Variants in HIVEP2 observed in about 807,000 individuals in gnomAD.
The protein encoded by HIVEP2 is transcription factor HIVEP2.
In HIVEP2, 14 loss-of-function variants were observed where a neutral mutation model predicts 180.7. That is an observed-to-expected ratio of 0.08 (90% CI 0.05 to 0.12). HIVEP2 has a LOEUF of 0.12. Among genes scored for constraint, HIVEP2 ranks in the 10% least tolerant of loss-of-function variants. The pLI, the probability that HIVEP2 is intolerant of heterozygous loss-of-function variation, is 1.00. For missense variants in HIVEP2, 2,579 were observed against 3,008.5 expected (o/e 0.86, Z 3.34); for synonymous variants, 1,184 against 1,136.4 (o/e 1.04, Z -0.84).
chr6:142,768,946 C>T (rs1775447882), intron 5 of HIVEP2, among the ~76,000 whole-genome samples: 1 of 151,984 alleles, frequency 6.6e-6, no homozygotes, highest in African/African-American at 2.4e-5. Context: ...TTTTTAAATC[C>T]TCTATTTGCC....
intron 1 of HIVEP2, among the ~76,000 whole-genome samples, chr6:142,881,932 C>G (rs1017147258): frequency 1.3e-5 from 2 of 152,194 alleles, no homozygotes; most frequent in Admixed American, 1.3e-4. Flanking sequence ...CACTGCCAAC[C>G]TCTGTCACAG....
chr6:142,762,288 T>C (rs1006194415), intron 7 of HIVEP2, among the ~76,000 whole-genome samples: 1 of 152,122 alleles, frequency 6.6e-6, no homozygotes, highest in African/African-American at 2.4e-5. Flanking sequence ...AAAAGAAAGG[T>C]TTCATGCTGA....
rs1064795825 is a variant in HIVEP2, at chr6:142,772,845, C to T, written c.1894G>A (p.Asp632Asn). 6.2e-7 allele frequency: 1 copy of T among 1,614,190 alleles called. No individual in the cohort carries two copies. Among genetic ancestry groups the T allele is most frequent in the Non-Finnish European group, 8.5e-7 (1 of 1,180,032 alleles). ...SLKEKKLSPGDRVGYDYDVCR... is the reference protein window; with the variant it reads ...SLKEKKLSPGNRVGYDYDVCR... The stretch of plus-strand genomic sequence containing the variant: ...ACATCATAGTCATACCCAACCCTGT[C>T]CCCAGGAGACAATTTCTTTTCCTTC... The change falls in exon 5 of 10, where the codon GAC (aspartate) becomes AAC (asparagine). Residue 632 changes from aspartate (D) to asparagine (N), a missense_variant. This residue lies in a region of HIVEP2 where 524 missense variants were observed against 563.6 expected (regional missense o/e 0.93). Coordinates refer to ENST00000367603, the MANE Select transcript of HIVEP2 (RefSeq NM_006734.4). The surrounding 1 kb of genome is among the most constrained non-coding windows in gnomAD (Gnocchi z 4.9).
intron 1 of HIVEP2, among the ~76,000 whole-genome samples, chr6:142,868,246 G>A (rs187456015): frequency 7.9e-5 from 12 of 152,226 alleles, no homozygotes; most frequent in Admixed American, 3.3e-4. Context: ...TATCAAAAAT[G>A]GCAAGAGGCC....
At chr6:142,926,981 C>A (rs1359676986) in intron 1 of HIVEP2, among the ~76,000 whole-genome samples, 1 of 151,608 alleles carries the variant, frequency 6.6e-6, no homozygotes, top group Non-Finnish European at 1.5e-5. Flanking sequence ...AAAGTTCAAG[C>A]CGCGTCCAGG....
In HIVEP2 at chr6:142,911,680, A is replaced by G. The variant is rs571196881; in HGVS notation, c.-641+33419T>C. On this transcript the variant is annotated intron_variant, in intron 1 of 9. Transcript: ENST00000367603. ...ACTGCTCCCAGGAGAAGGATCATTA[A>G]TTCACTGTCTCAGAAATGAGACAAC... Among the ~76,000 whole-genome samples, 22 of 152,272 alleles carry G rather than the reference A, an allele frequency of 1.4e-4. No individual in the cohort carries two copies. In the South Asian group the frequency reaches 4.3e-3, roughly 30 times the overall value.
chr6:142,915,528 C>A (rs1562290983), intron 1 of HIVEP2, among the ~76,000 whole-genome samples: 2 of 152,178 alleles, frequency 1.3e-5, no homozygotes, highest in African/African-American at 4.8e-5. Flanking sequence ...CAATAGATGT[C>A]TTTTGTTTTC....
chr6:142,931,102 A>T (rs913688873), intron 1 of HIVEP2, among the ~76,000 whole-genome samples: 8 of 152,116 alleles, frequency 5.3e-5, no homozygotes, highest in Admixed American at 1.3e-4. Flanking sequence ...GTGACCATTT[A>T]AATATTCCTT....
At chr6:142,913,583 A>G (rs1336832006) in intron 1 of HIVEP2, among the ~76,000 whole-genome samples, 1 of 152,220 alleles carries the variant, frequency 6.6e-6, no homozygotes, top group Non-Finnish European at 1.5e-5. Context: ...AGAGGTGTCT[A>G]CAGGGCCACC....
chr6:142,756,281 G>T (rs537898516), intron 9 of HIVEP2, among the ~76,000 whole-genome samples: 1 of 152,274 alleles, frequency 6.6e-6, no homozygotes, highest in Admixed American at 6.5e-5. Context: ...GCAGCAGGGA[G>T]CAGAGAAGGA....
intron 2 of HIVEP2, among the ~76,000 whole-genome samples, chr6:142,825,509 A>C (rs187627604): frequency 6.6e-6 from 1 of 152,336 alleles, no homozygotes; most frequent in Non-Finnish European, 1.5e-5. Flanking sequence ...CATGATATTG[A>C]TATTATTCAA....
chr6:142,771,714 C>G lies in HIVEP2; in HGVS notation c.3025G>C (p.Val1009Leu), dbSNP rs766328392. 1.9e-6 allele frequency: 3 copies of G among 1,614,208 alleles called. No homozygotes were observed. Among genetic ancestry groups the G allele is most frequent in the Non-Finnish European group, 2.5e-6 (3 of 1,180,036 alleles). Residue 1009 changes from valine to leucine, a missense_variant, in exon 5 of 10, where the codon GTC (valine) becomes CTC (leucine). This residue lies in a region of HIVEP2 where 523 missense variants were observed against 577.0 expected (regional missense o/e 0.91). Coordinates refer to ENST00000367603, the MANE Select transcript of HIVEP2 (RefSeq NM_006734.4). The surrounding 1 kb of genome is among the most constrained non-coding windows in gnomAD (Gnocchi z 5.4). ...GACAATGAGTATGAACCAGCAGGGA[C>G]AGTCAGAAACTCTGAATGCTTCCCA... The part of the protein sequence containing the change: ...EFGKHSEFLT[V>L]PAGSYSLSVP...
chr6:142,922,485 A>G (rs926598866), intron 1 of HIVEP2, among the ~76,000 whole-genome samples: 2 of 152,346 alleles, frequency 1.3e-5, no homozygotes, highest in African/African-American at 4.8e-5. Context: ...TAAGATCCAG[A>G]GTGGCCTGAA....
chr6:142,914,439 T>C (rs74874285), intron 1 of HIVEP2, among the ~76,000 whole-genome samples: 1,638 of 152,322 alleles, frequency 0.011, 11 homozygotes, highest in Non-Finnish European at 0.016. Flanking sequence ...GTCAAGTATT[T>C]AGAATAGCGG....
chr6:142,832,358 C>T (rs967237798), intron 2 of HIVEP2, among the ~76,000 whole-genome samples: 1 of 151,922 alleles, frequency 6.6e-6, no homozygotes, highest in African/African-American at 2.4e-5. Context: ...AGGCATATGA[C>T]AGGAAAACTT....
chr6:142,915,308 G>A (rs1230891740), intron 1 of HIVEP2, among the ~76,000 whole-genome samples: 1 of 152,086 alleles, frequency 6.6e-6, no homozygotes, highest in Non-Finnish European at 1.5e-5. Flanking sequence ...TAGTAGGGTG[G>A]GCCCCTTATC....
At chr6:142,912,796 G>C (rs1303564511) in intron 1 of HIVEP2, among the ~76,000 whole-genome samples, 2 of 152,222 alleles carry the variant, frequency 1.3e-5, no homozygotes, top group Non-Finnish European at 2.9e-5. Context: ...CCACACCATG[G>C]AAAAATTCTC....
chr6:142,812,013 A>G (rs1776711715), intron 2 of HIVEP2, among the ~76,000 whole-genome samples: 1 of 152,206 alleles, frequency 6.6e-6, no homozygotes, highest in South Asian at 2.1e-4. Context: ...TGAACTCTAC[A>G]ATTGCCCCAG....
intron 1 of HIVEP2, among the ~76,000 whole-genome samples, chr6:142,857,685 C>A (rs1775858162): frequency 6.6e-6 from 1 of 152,200 alleles, no homozygotes; most frequent in Admixed American, 6.5e-5. Context: ...CTATTTTTTA[C>A]CCCACCCACA....
Sources: gnomAD v4.1 joint callset for allele counts (sites outside exome capture counted in the v4.1 genomes callset) on GRCh38, gnomAD v4.1.1 for gene constraint, gnomAD v4.1.1 regional missense constraint, Gnocchi (gnomAD v3.1) non-coding constraint, MANE v1.5 for transcripts, NCBI Gene and HGNC (gene_info 2026-07-23, HGNC 2026-07-21) for gene names.